Variants in RBM10 observed in about 807,000 individuals in gnomAD.
The protein encoded by RBM10 is RNA binding motif protein 10.
RBM10 carries 1 observed loss-of-function variant against 84.9 expected under a neutral mutation model. That is an observed-to-expected ratio of 0.01 (90% confidence interval 0.00 to 0.06). The LOEUF is 0.06. Ranked by LOEUF, RBM10 falls within the 10% of genes least tolerant of loss-of-function variation. RBM10 has a pLI of 1.00. For missense variants in RBM10, 438 were observed against 839.0 expected, an observed-to-expected ratio of 0.52 and a Z score of 5.90; for synonymous variants, 326 against 344.5, an observed-to-expected ratio of 0.95 and a Z score of 0.60.
rs990995623 is a variant in RBM10 at position 47,145,238 on chromosome X, C to A, written c.-373C>A. ...GCTTCCTTAGTAGGTGGATGGTGGT[C>A]GGAGCGCCGACTCCCTTCTCGTCGT... On this transcript the variant is annotated 5_prime_UTR_variant, in exon 1 of 24. Coordinates refer to ENST00000377604, the MANE Select transcript of RBM10 (RefSeq NM_005676.5). The A allele has an allele frequency of 2.6e-5, 12 of 464,546 alleles. No homozygotes were observed. In the African/African-American group the frequency reaches 2.9e-4, roughly 11 times the overall value. The allele number at this position is 464,546 out of a possible 1,213,427, so 38.3% of individuals were successfully genotyped here. A position where few individuals can be genotyped will look rare whatever the true frequency, so the allele number is the denominator to read the frequency against.
intron 3 of RBM10, 50 bp from the exon 4 acceptor site, chrX:47,170,978 G>C (rs1556772481): frequency 8.6e-7 from 1 of 1,168,939 alleles, no homozygotes; most frequent in East Asian, 3.0e-5. Flanking sequence ...TCCTAGGCCT[G>C]CCCAGACTGA....
At position 47,147,392 on chromosome X, in the gene RBM10, C is replaced by T; in HGVS notation, c.-90C>T. The stretch of plus-strand genomic sequence containing the variant: ...GGAAGCATCACCCAGGCTGGCAGAT[C>T]ATGGTAGCAGCAGCGGGGGTGGCTG... On this transcript the variant is annotated 5_prime_UTR_variant, in exon 2 of 24. Coordinates refer to ENST00000377604, the MANE Select transcript of RBM10 (RefSeq NM_005676.5). The T allele has an allele frequency of 8.3e-7, 1 of 1,207,757 alleles. No individual in the cohort carries two copies. Among genetic ancestry groups the T allele is most frequent in the Non-Finnish European group, 1.1e-6 (1 of 893,065 alleles).
intron 2 of RBM10, chrX:47,157,828 G>C: frequency 2.9e-6 from 1 of 345,536 alleles, no homozygotes; most frequent in East Asian, 4.7e-5. Flanking sequence ...CGCCCAGGCT[G>C]AAGTGCAGTG....
In RBM10 at chrX:47,185,808, C is replaced by A. The variant is rs1470900586; in HGVS notation, c.2430+18C>A. The A allele has an allele frequency of 6.6e-6, 8 of 1,207,076 alleles. No individual in the cohort carries two copies. The East Asian group carries it at 1.8e-4, about 27-fold the overall frequency. On this transcript the variant is annotated intron_variant, in intron 21 of 23. Coordinates refer to ENST00000377604, the MANE Select transcript of RBM10 (RefSeq NM_005676.5). ...ACATGGAGGTGAGGTGTGACCTGAC[C>A]CTGGGCTCCCTCCCCTGTGTCCCTT...
chrX:47,175,194 C>A (rs1935040391), intron 6 of RBM10, 102 bp downstream of exon 6: 1 of 597,564 alleles, frequency 1.7e-6, no homozygotes, highest in Non-Finnish European at 2.7e-6. Context: ...TGCCCTGTGG[C>A]CCTGTGTCCC....
At chrX:47,150,667 C>T (rs1556763399) in intron 2 of RBM10, among the ~76,000 whole-genome samples, 1 of 111,829 alleles carries the variant, frequency 8.9e-6, no homozygotes, top group Non-Finnish European at 1.9e-5. Flanking sequence ...TACATGGATC[C>T]GTCTTGAGTG....
chrX:47,159,443 A>G (rs1556766186), intron 2 of RBM10, among the ~76,000 whole-genome samples: 1 of 109,466 alleles, frequency 9.1e-6, no homozygotes, highest in Admixed American at 9.9e-5. Flanking sequence ...CGCTTTGAAC[A>G]TGGGTGCATG....
rs1286932401 is a variant in RBM10, at chrX:47,174,412, C to T, written c.503-607C>T. ...TCCCTAGCGAGGCCCGCCTCCCCTG[C>T]GCTGCGGTGAGGCTGAGATGAGGTC... On this transcript the variant is annotated intron_variant, in intron 5 of 23. Transcript: ENST00000377604. Among the ~76,000 whole-genome samples, 6 of 111,743 alleles carry T rather than the reference C, an allele frequency of 5.4e-5. No homozygotes were observed. In the East Asian group the frequency reaches 1.4e-3, roughly 26 times the overall value.
chrX:47,185,775 G>A lies in RBM10; in HGVS notation c.2415G>A (p.Glu805=), dbSNP rs781891276. The A allele has an allele frequency of 1.7e-6, 2 of 1,210,134 alleles. No homozygotes were observed. Among genetic ancestry groups the A allele is most frequent in the East Asian group, 5.9e-5 (2 of 33,766 alleles). ...CAGAAAACGAGCTAGAAGCACTAGAGAAGAATGACATGGAGGTGAGGTGTG... is the reference window on the plus strand; with the variant it reads ...CAGAAAACGAGCTAGAAGCACTAGAAAAGAATGACATGGAGGTGAGGTGTG... The part of the protein sequence containing the change: ...HLSENELEAL[E]KNDMEQMKYR... Residue 805 remains glutamate, a synonymous_variant, in exon 21 of 24, where the codon GAG becomes GAA. Coordinates refer to ENST00000377604, the MANE Select transcript of RBM10 (RefSeq NM_005676.5).
intron 21 of RBM10, 73 bp from the exon 22 acceptor site, chrX:47,185,992 C>T: frequency 8.5e-7 from 1 of 1,169,647 alleles, no homozygotes. Flanking sequence ...TGTGGGACCC[C>T]ACTCCCCATG....
intron 4 of RBM10, 119 bp from the exon 5 acceptor site, chrX:47,173,009 G>C: frequency 8.5e-7 from 1 of 1,172,254 alleles, no homozygotes; most frequent in South Asian, 1.9e-5. Flanking sequence ...CGAAAGAGGC[G>C]GAGGAGACTG....
intron 17 of RBM10, 119 bp from the exon 18 acceptor site, chrX:47,184,936 C>G (rs188892765): frequency 2.3e-6 from 2 of 874,372 alleles, no homozygotes; most frequent in Admixed American, 5.4e-5. Flanking sequence ...TGCAGTGGTT[C>G]GGACTAGGGA....
At chrX:47,145,621 GTT>G (rs781881666) in intron 1 of RBM10, 136 bp downstream of exon 1, 137 of 186,792 alleles carry the variant, frequency 7.3e-4, no homozygotes, top group East Asian at 1.5e-3. Context: ...ACCCGGGAGG[GTT>G]TTTTTTTTTT....
chrX:47,186,747 G>A lies in RBM10; in HGVS notation c.*148G>A. The A allele has an allele frequency of 1.3e-6, 1 of 772,260 alleles. No homozygotes were observed. The highest frequency in any genetic ancestry group is 1.9e-6 in the Non-Finnish European group (1 of 516,984). The allele number at this position is 772,260 out of a possible 1,213,427, so 63.6% of individuals were successfully genotyped here. On this transcript the variant is annotated 3_prime_UTR_variant, in exon 24 of 24. Coordinates refer to ENST00000377604, the MANE Select transcript of RBM10 (RefSeq NM_005676.5). The stretch of plus-strand genomic sequence containing the variant: ...GGCTTGACCAAATCAAATTGAGGTG[G>A]TGACTTTTGTTGGAAAATTGGGCTG...
intron 2 of RBM10, among the ~76,000 whole-genome samples, chrX:47,148,577 G>C (rs1932494090): frequency 9.3e-6 from 1 of 107,425 alleles, no homozygotes; most frequent in Non-Finnish European, 1.9e-5. Flanking sequence ...CTGCTCTGTC[G>C]TGTTTGATAT....
rs1418151797 is a variant in RBM10, at chrX:47,179,473, A to T, written c.879A>T (p.Pro293=). ...AAGCCCTGTCACAGGGCTCGGAGCC[A>T]AGCTCAGAGAACGCCAATGACAGTG... ...ASQALSQGSE[P]SSENANDTII... is the part of the protein sequence containing the mutation. The change falls in exon 9 of 24, where the codon CCA becomes CCT. Residue 293 remains proline (P), a synonymous_variant. Coordinates refer to ENST00000377604, the MANE Select transcript of RBM10 (RefSeq NM_005676.5). 8.3e-7 allele frequency: 1 copy of T among 1,200,341 alleles called. No homozygotes were observed. The highest frequency in any genetic ancestry group is 1.1e-6 in the Non-Finnish European group (1 of 894,522).
chrX:47,145,835 T>C (rs1168277106), intron 1 of RBM10, among the ~76,000 whole-genome samples: 3 of 101,498 alleles, frequency 3.0e-5, no homozygotes, highest in Non-Finnish European at 4.0e-5. Flanking sequence ...GGAGAGGGGA[T>C]GCTGCTCTGT....
Position 47,147,411 on chromosome X carries a change from G to T in RBM10, c.-71G>T. 1 of 1,209,239 alleles carries T rather than the reference G, an allele frequency of 8.3e-7. No homozygotes were observed. ...GCAGATCATGGTAGCAGCAGCGGGG[G>T]TGGCTGGGAAGTGAAACGGAGCCAG... On this transcript the variant is annotated 5_prime_UTR_variant, in exon 2 of 24. Coordinates refer to ENST00000377604, the MANE Select transcript of RBM10 (RefSeq NM_005676.5).
At chrX:47,147,554 T>G (rs1196345842) in intron 2 of RBM10, 56 bp downstream of exon 2, 3 of 1,186,924 alleles carry the variant, frequency 2.5e-6, no homozygotes, top group African/African-American at 3.5e-5. Flanking sequence ...TATGTGAGAA[T>G]TGATCCAAGA....
Sources: gnomAD v4.1 joint callset for allele counts (sites outside exome capture counted in the v4.1 genomes callset) on GRCh38, gnomAD v4.1.1 for gene constraint, MANE v1.5 for transcripts, NCBI Gene and HGNC (gene_info 2026-07-23, HGNC 2026-07-21) for gene names.